ARHGEF3: variants seen among roughly 807,000 people sequenced by gnomAD.
ARHGEF3 encodes the protein 59.8 kDA protein.
In ARHGEF3, 28 loss-of-function variants were observed where a neutral mutation model predicts 63.2. The observed-to-expected ratio is 0.44, with a 90% CI of 0.33 to 0.61. The LOEUF (loss-of-function observed/expected upper bound fraction) is 0.61, where lower values mean the gene tolerates loss of function less well. Ranked by LOEUF, ARHGEF3 falls within the 20% of genes least tolerant of loss-of-function variation. ARHGEF3 has a pLI of 0.03. For missense variants in ARHGEF3, 533 were observed against 659.3 expected (o/e 0.81, Z 2.10); for synonymous variants, 266 against 254.2 (o/e 1.05, Z -0.44).
chr3:56,919,962 GATATTCAAGAA>G (rs1485414726), intron 3 of ARHGEF3, among the ~76,000 whole-genome samples: 2 of 152,172 alleles, frequency 1.3e-5, no homozygotes, highest in African/African-American at 4.8e-5. Context: ...CCTGCTCTGG[GATATTCAAGAA>G]TCTGACATAT....
At chr3:56,935,429 G>C (rs1454373410) in intron 3 of ARHGEF3, among the ~76,000 whole-genome samples, 2 of 152,096 alleles carry the variant, frequency 1.3e-5, no homozygotes, top group South Asian at 2.1e-4. Context: ...AACCCGCTGG[G>C]GTCCCCTTCC....
At chr3:57,075,402 A>G (rs1426488660) in intron 1 of ARHGEF3, 2 of 167,008 alleles carry the variant, frequency 1.2e-5, no homozygotes, top group Non-Finnish European at 1.5e-5. Flanking sequence ...CTCTCTCCCT[A>G]AATGTTTTTG....
At chr3:56,965,096 T>A (rs529860144) in intron 2 of ARHGEF3, among the ~76,000 whole-genome samples, 22 of 151,930 alleles carry the variant, frequency 1.4e-4, no homozygotes, top group African/African-American at 2.9e-4. Flanking sequence ...ACAAAAAAAA[T>A]TTTTTTTAAT....
intron 4 of ARHGEF3, among the ~76,000 whole-genome samples, chr3:56,827,843 C>G (rs1252246941): frequency 7.3e-6 from 1 of 136,348 alleles, no homozygotes; most frequent in African/African-American, 2.7e-5. Flanking sequence ...GAGGCTGAGG[C>G]TGAGATAGGA....
At chr3:56,751,211 C>G in intron 5 of ARHGEF3, 79 bp from the exon 6 acceptor site, 1 of 1,543,772 alleles carries the variant, frequency 6.5e-7, no homozygotes, top group South Asian at 1.1e-5. Context: ...GGGTTATTCA[C>G]ATTGCAGGCA....
At chr3:56,829,355 C>G (rs567494866) in intron 4 of ARHGEF3, among the ~76,000 whole-genome samples, 42 of 152,274 alleles carry the variant, frequency 2.8e-4, no homozygotes, top group African/African-American at 1.0e-3. Context: ...GAGGGCTTTT[C>G]TCACCTCCTG....
chr3:56,932,531 T>C (rs181522857), intron 3 of ARHGEF3, among the ~76,000 whole-genome samples: 182 of 152,216 alleles, frequency 1.2e-3, no homozygotes, highest in African/African-American at 4.2e-3. Flanking sequence ...TTACACCAAC[T>C]GCCTCACATT....
chr3:56,785,455 G>T (rs1159181775), intron 1 of ARHGEF3, among the ~76,000 whole-genome samples: 1 of 152,140 alleles, frequency 6.6e-6, no homozygotes, highest in Non-Finnish European at 1.5e-5. Context: ...CTGGTCTCCA[G>T]TCTTGCCAGA....
chr3:56,914,664 C>CAAGAA (rs2041938963), intron 3 of ARHGEF3, among the ~76,000 whole-genome samples: 1 of 152,102 alleles, frequency 6.6e-6, no homozygotes, highest in Non-Finnish European at 1.5e-5. Flanking sequence ...ACGGAATATT[C>CAAGAA]TTAAAGGAAG....
At chr3:56,920,524 T>C (rs1475477872) in intron 3 of ARHGEF3, among the ~76,000 whole-genome samples, 1 of 152,228 alleles carries the variant, frequency 6.6e-6, no homozygotes, top group African/African-American at 2.4e-5. Flanking sequence ...TAAAATAAAA[T>C]ATTTAGATTT....
At chr3:57,000,497 C>CATTATTATTATT (rs375967050) in intron 2 of ARHGEF3, among the ~76,000 whole-genome samples, 86 of 148,920 alleles carry the variant, frequency 5.8e-4, no homozygotes, top group African/African-American at 2.1e-3. Flanking sequence ...ACCTTTACTA[C>CATTATTATTATT]ATTATTATTA....
intron 8 of ARHGEF3, among the ~76,000 whole-genome samples, chr3:56,733,264 C>G (rs2033323291): frequency 7.5e-6 from 1 of 133,828 alleles, no homozygotes; most frequent in African/African-American, 2.9e-5. Context: ...GTCTGGGCGA[C>G]AGTGTGAGAC....
At chr3:56,921,285 T>C (rs984816876) in intron 3 of ARHGEF3, among the ~76,000 whole-genome samples, 3 of 150,766 alleles carry the variant, frequency 2.0e-5, no homozygotes, top group African/African-American at 7.3e-5. Context: ...ATTAAAATAA[T>C]ATATTGCACA....
chr3:56,732,591 C>G (rs746677745), intron 8 of ARHGEF3, among the ~76,000 whole-genome samples, 167 bp from the exon 9 acceptor site: 1 of 152,174 alleles, frequency 6.6e-6, no homozygotes, highest in African/African-American at 2.4e-5. Context: ...ATGTTGGAGG[C>G]ACTTCCAGAT....
intron 8 of ARHGEF3, 146 bp from the exon 9 acceptor site, chr3:56,732,570 C>A: frequency 1.1e-6 from 1 of 901,018 alleles, no homozygotes; most frequent in Non-Finnish European, 1.7e-6. Context: ...CCAGGAGAAC[C>A]AAAGTTGGGC....
intron 9 of ARHGEF3, 52 bp from the exon 10 acceptor site, chr3:56,729,674 A>C: frequency 6.9e-7 from 1 of 1,447,618 alleles, no homozygotes; most frequent in Non-Finnish European, 9.5e-7. Flanking sequence ...ATCCTTCCTC[A>C]GGCCAAAGAG....
At chr3:56,977,637 A>G (rs1376466794) in intron 2 of ARHGEF3, among the ~76,000 whole-genome samples, 1 of 152,160 alleles carries the variant, frequency 6.6e-6, no homozygotes, top group Admixed American at 6.5e-5. Flanking sequence ...GATGGGGCTC[A>G]TGGAGAGATG....
At chr3:56,821,961 T>TAGAGA (rs2038511828) in intron 4 of ARHGEF3, among the ~76,000 whole-genome samples, 1 of 105,522 alleles carries the variant, frequency 9.5e-6, no homozygotes, top group Admixed American at 1.1e-4. Flanking sequence ...AGACTCTGTC[T>TAGAGA]CGAGAAGAGA....
At chr3:56,836,651 C>A (rs894786425) in intron 4 of ARHGEF3, among the ~76,000 whole-genome samples, 1 of 152,144 alleles carries the variant, frequency 6.6e-6, no homozygotes, top group Admixed American at 6.5e-5. Flanking sequence ...GTGGGCCAGG[C>A]GCAGTAGCTT....
Sources: allele counts gnomAD v4.1 joint callset (sites outside exome capture counted in the v4.1 genomes callset), GRCh38; gene constraint gnomAD v4.1.1; transcripts MANE v1.5; gene names NCBI Gene and HGNC (gene_info 2026-07-23, HGNC 2026-07-21).